RANBP17: variants seen among roughly 807,000 people sequenced by gnomAD.
RANBP17 encodes RAN binding protein 17, also known as ran-binding protein 17.
A neutral mutation model predicts 141.2 loss-of-function variants in RANBP17; 158 were observed. The ratio of observed to expected loss-of-function variants is 1.12; its 90% CI spans 0.98 to 1.28. The LOEUF (loss-of-function observed/expected upper bound fraction) is 1.28. RANBP17 is among the 50% of genes most tolerant of loss of function. The pLI is 0.00. For synonymous variants in RANBP17, 430 were observed against 450.0 expected, an observed-to-expected ratio of 0.96 and a Z score of 0.56; for missense variants, 1,438 against 1,290.7, an observed-to-expected ratio of 1.11 and a Z score of -1.75.
chr5:170,919,352 T>TA, intron 10 of RANBP17, 89 bp from the exon 11 acceptor site: 1 of 940,662 alleles, frequency 1.1e-6, no homozygotes, highest in Non-Finnish European at 1.5e-6. Context: ...AAAGTTAATT[T>TA]AAAAATGTAT....
At chr5:170,865,427 G>A (rs931104453) in intron 1 of RANBP17, among the ~76,000 whole-genome samples, 1 of 152,180 alleles carries the variant, frequency 6.6e-6, no homozygotes, top group Admixed American at 6.5e-5. Flanking sequence ...CACTTAATAA[G>A]TGAGTGGCAG....
Position 171,265,749 on chromosome 5 carries a change from G to T in RANBP17, c.2845G>T (p.Ala949Ser), listed in dbSNP as rs1353643614. The T allele has an allele frequency of 1.2e-6, 2 of 1,613,894 alleles. No individual in the cohort carries two copies. The highest frequency in any genetic ancestry group is 2.7e-5 in the African/African-American group (2 of 74,878). Reference sequence around the variant, plus strand: ...CGTCACCTACCTCTTCAAGCACATAGCAAAAGAGGGCAAGAAGCCACTTCG... The same window carrying T: ...CGTCACCTACCTCTTCAAGCACATATCAAAAGAGGGCAAGAAGCCACTTCG... ...YIVTYLFKHI[A>S]KEGKKPLRCR... Residue 949 changes from alanine (A) to serine (S), a missense_variant, in exon 25 of 28, where the codon GCA becomes TCA. Ala to Ser is a moderately conservative substitution (Grantham distance 99, BLOSUM62 1). Coordinates refer to ENST00000523189, the MANE Select transcript of RANBP17 (RefSeq NM_022897.5).
chr5:170,912,897 A>C (rs1771647944), intron 7 of RANBP17, among the ~76,000 whole-genome samples: 1 of 151,990 alleles, frequency 6.6e-6, no homozygotes, highest in Non-Finnish European at 1.5e-5. Flanking sequence ...AAAGATATTC[A>C]CTAAGCTTTA....
At chr5:171,092,900 A>G (rs1388571075) in intron 14 of RANBP17, among the ~76,000 whole-genome samples, 1 of 152,164 alleles carries the variant, frequency 6.6e-6, no homozygotes, top group East Asian at 1.9e-4. Context: ...GATGTCCACT[A>G]ATATTTAGTT....
intron 23 of RANBP17, 134 bp from the exon 24 acceptor site, chr5:171,242,548 T>G: frequency 1.1e-6 from 1 of 876,516 alleles, no homozygotes; most frequent in South Asian, 1.7e-5. Context: ...TTATGTCATT[T>G]GCTCTATATA....
chr5:171,273,273 G>A (rs1368837291), intron 25 of RANBP17, among the ~76,000 whole-genome samples: 1 of 152,164 alleles, frequency 6.6e-6, no homozygotes, highest in East Asian at 1.9e-4. Flanking sequence ...TTTTCTAAAG[G>A]AAATTTCTGC....
At chr5:171,169,273 G>A (rs971225187) in intron 14 of RANBP17, among the ~76,000 whole-genome samples, 2 of 152,254 alleles carry the variant, frequency 1.3e-5, no homozygotes, top group South Asian at 2.1e-4. Context: ...AATCACAGAG[G>A]ATCAAATCAC....
chr5:171,169,176 C>T (rs921501414), intron 14 of RANBP17, among the ~76,000 whole-genome samples: 6 of 152,074 alleles, frequency 3.9e-5, no homozygotes, highest in African/African-American at 1.4e-4. Context: ...AGCTCGTGTT[C>T]AGATATAAAA....
chr5:170,946,257 A>G (rs1023002926), intron 12 of RANBP17, among the ~76,000 whole-genome samples: 4 of 152,146 alleles, frequency 2.6e-5, no homozygotes, highest in African/African-American at 9.7e-5. Context: ...CTAAAAATCT[A>G]AATTGATAAA....
At chr5:171,282,572 T>G (rs1326407335) in intron 25 of RANBP17, among the ~76,000 whole-genome samples, 1 of 152,056 alleles carries the variant, frequency 6.6e-6, no homozygotes, top group Non-Finnish European at 1.5e-5. Context: ...TCTGCCTCCC[T>G]GGTTCAAGCA....
At chr5:170,897,056 G>A (rs1770191874) in intron 5 of RANBP17, 2 of 879,386 alleles carry the variant, frequency 2.3e-6, no homozygotes, top group Non-Finnish European at 1.9e-6. Flanking sequence ...GCAATAAGCA[G>A]CTTCCTTAGA....
rs569674933 is a variant in RANBP17, at chr5:171,058,387, C to T, written c.1710+90010C>T. 2.9e-4 allele frequency among the ~76,000 whole-genome samples: 43 copies of T among 146,240 alleles called. 1 individual carries two copies. Among genetic ancestry groups the T allele is most frequent in the Middle Eastern group, 3.7e-3 (1 of 270 alleles). ...CCATGTGTTCTCATTGTTCAATTCCCGCCCATGAGTGAGAACATGCGGTGT... is the reference window on the plus strand; with the variant it reads ...CCATGTGTTCTCATTGTTCAATTCCTGCCCATGAGTGAGAACATGCGGTGT... On this transcript the variant is annotated intron_variant, in intron 14 of 27. Transcript: ENST00000523189.
rs1762898347 is a variant in RANBP17, at chr5:171,211,637, T to TG, written c.2232-1994_2232-1993insG. Among the ~76,000 whole-genome samples the TG allele has an allele frequency of 9.3e-5, 14 of 151,082 alleles. No individual in the cohort carries two copies. The South Asian group carries it at 2.9e-3, about 32-fold the overall frequency. On this transcript the variant is annotated intron_variant, in intron 20 of 27. Coordinates refer to ENST00000523189, the MANE Select transcript of RANBP17 (RefSeq NM_022897.5). The stretch of plus-strand genomic sequence containing the variant: ...ATTCCATGAGGGCAGGGTTTTTTTT[T>TG]TTTTTTTTTTTTTACTGGTGTCTCT...
chr5:171,057,009 A>G (rs1783434682), intron 14 of RANBP17, among the ~76,000 whole-genome samples: 1 of 152,184 alleles, frequency 6.6e-6, no homozygotes, highest in Admixed American at 6.6e-5. Flanking sequence ...GCGTTAGTGC[A>G]CTATTGATGT....
At chr5:171,020,586 T>C (rs1346875304) in intron 14 of RANBP17, among the ~76,000 whole-genome samples, 4 of 152,162 alleles carry the variant, frequency 2.6e-5, no homozygotes, top group Non-Finnish European at 5.9e-5. Flanking sequence ...ACTAGGATTG[T>C]AACCCCTGCT....
At chr5:171,280,097 TTAA>T (rs1767763960) in intron 25 of RANBP17, among the ~76,000 whole-genome samples, 1 of 152,186 alleles carries the variant, frequency 6.6e-6, no homozygotes, top group African/African-American at 2.4e-5. Context: ...AAGAGTGGGC[TTAA>T]TAAATCACAT....
chr5:171,026,911 G>A (rs370891906), intron 14 of RANBP17, among the ~76,000 whole-genome samples: 120 of 152,252 alleles, frequency 7.9e-4, no homozygotes, highest in African/African-American at 2.7e-3. Flanking sequence ...GGAGGTGAGC[G>A]GTGCGTGAGA....
chr5:170,873,937 G>C (rs1243731799), intron 1 of RANBP17, among the ~76,000 whole-genome samples: 1 of 152,200 alleles, frequency 6.6e-6, no homozygotes, highest in South Asian at 2.1e-4. Flanking sequence ...TGTGATGTTA[G>C]GGTGTTGATT....
In RANBP17 at chr5:171,299,513, G is replaced by A. The variant is rs1184077495; in HGVS notation, c.*655G>A. On this transcript the variant is annotated 3_prime_UTR_variant, in exon 28 of 28. Transcript: ENST00000523189. ...AAGTGGTTCAGTCTAGAAGAATTAAGCTGTGCAATTACTGCCTGCAGAGAT... is the reference window on the plus strand; with the variant it reads ...AAGTGGTTCAGTCTAGAAGAATTAAACTGTGCAATTACTGCCTGCAGAGAT... 1.3e-5 allele frequency: 3 copies of A among 232,072 alleles called. No individual in the cohort carries two copies. Among genetic ancestry groups the A allele is most frequent in the Non-Finnish European group, 1.7e-5 (2 of 117,116 alleles). The allele number at this position is 232,072 out of a possible 1,614,324, so 14.4% of individuals were successfully genotyped here.
Sources: allele counts gnomAD v4.1 joint callset (sites outside exome capture counted in the v4.1 genomes callset), GRCh38; gene constraint gnomAD v4.1.1; transcripts MANE v1.5; gene names NCBI Gene and HGNC (gene_info 2026-07-23, HGNC 2026-07-21).